Variants in MNT observed in about 807,000 individuals in gnomAD.
The protein encoded by MNT is max-binding protein MNT.
In MNT, 13 loss-of-function variants were observed where a neutral mutation model predicts 40.7. The ratio of observed to expected loss-of-function variants is 0.32; its 90% CI spans 0.21 to 0.51. The LOEUF is 0.51. Ranked by LOEUF, MNT falls within the 20% of genes least tolerant of loss-of-function variation. The pLI, the probability that MNT is intolerant of heterozygous loss-of-function variation, is 0.98. For synonymous variants in MNT, 426 were observed against 354.8 expected (o/e 1.20, Z -2.26); for missense variants, 757 against 792.0 (o/e 0.96, Z 0.53).
intron 1 of MNT, among the ~76,000 whole-genome samples, chr17:2,398,474 C>T (rs1387777989): frequency 1.3e-5 from 2 of 152,240 alleles, no homozygotes; most frequent in African/African-American, 4.8e-5. Flanking sequence ...CTGCCATGCC[C>T]TTCCTTCCAT....
At position 2,386,728 on chromosome 17, in the gene MNT, TG is replaced by T. The variant is rs1464748422; in HGVS notation, c.*172del. On this transcript the variant is annotated 3_prime_UTR_variant, in exon 6 of 6. Coordinates refer to ENST00000174618, the MANE Select transcript of MNT (RefSeq NM_020310.3). ...CTTACCAAGTCCTAGTGCAGCAGGG[TG>T]GCCCTTCCCTCCCTTGGCTCAGAGT... The T allele has an allele frequency of 8.8e-6, 5 of 566,882 alleles. No individual in the cohort carries two copies. In the Admixed American group the frequency reaches 2.0e-4, roughly 22 times the overall value. The allele number at this position is 566,882 out of a possible 1,614,324, so 35.1% of individuals were successfully genotyped here. A position where few individuals can be genotyped will look rare whatever the true frequency, so the allele number is the denominator to read the frequency against.
intron 5 of MNT, 36 bp from the exon 6 acceptor site, chr17:2,387,685 G>C (rs1340081603): frequency 1.2e-6 from 2 of 1,608,742 alleles, no homozygotes; most frequent in Admixed American, 1.7e-5. Context: ...AGGTCAGAAG[G>C]GCGGGGAAGC....
At chr17:2,399,171 G>T (rs565401142) in intron 1 of MNT, among the ~76,000 whole-genome samples, 9 of 152,152 alleles carry the variant, frequency 5.9e-5, no homozygotes, top group Non-Finnish European at 1.3e-4. Flanking sequence ...GGGGATTCTG[G>T]GGGGCGGGGA....
chr17:2,396,121 G>C (rs1473580120), intron 1 of MNT, among the ~76,000 whole-genome samples: 1 of 152,060 alleles, frequency 6.6e-6, no homozygotes, highest in Non-Finnish European at 1.5e-5. Context: ...CCTCACAAGA[G>C]CCCCACGTCA....
intron 4 of MNT, 26 bp from the exon 5 acceptor site, chr17:2,388,075 G>A (rs2066483084): frequency 6.5e-7 from 1 of 1,536,970 alleles, no homozygotes; most frequent in Non-Finnish European, 8.8e-7. Flanking sequence ...AGGGACAGCA[G>A]GACACCCTGA....
chr17:2,393,714 C>G (rs2066546206), intron 4 of MNT: 2 of 158,096 alleles, frequency 1.3e-5, no homozygotes, highest in African/African-American at 2.4e-5. Context: ...TTCCCTCCCG[C>G]GGCTGCACCA....
At chr17:2,397,738 T>A (rs2066587503) in intron 1 of MNT, among the ~76,000 whole-genome samples, 1 of 152,166 alleles carries the variant, frequency 6.6e-6, no homozygotes, top group South Asian at 2.1e-4. Context: ...CGGAGCTTCC[T>A]GTCCCTTCCC....
Position 2,395,322 on chromosome 17 carries a change from G to A in MNT, c.206C>T (p.Pro69Leu), listed in dbSNP as rs1567869363. The A allele has an allele frequency of 4.4e-6, 7 of 1,608,798 alleles. No individual in the cohort carries two copies. The highest frequency in any genetic ancestry group is 5.9e-6 in the Non-Finnish European group (7 of 1,177,874). Residue 69 changes from proline to leucine, a missense_variant, in exon 2 of 6, where the codon CCA becomes CTA. This residue lies in a region of MNT where 335 missense variants were observed against 291.4 expected (regional missense o/e 1.15). Transcript: ENST00000174618. ...TGGGGGTGCCGGCGGGGGAGCCGGT[G>A]GAGACAGAGGCAGGGGTGGCGCCTC... ...RMEAPPLPLS[P>L]PAPPPAPPPP...
At chr17:2,388,090 C>A in intron 4 of MNT, 41 bp from the exon 5 acceptor site, 1 of 1,512,660 alleles carries the variant, frequency 6.6e-7, no homozygotes, top group Non-Finnish European at 8.9e-7. Flanking sequence ...CCCTGAGCAG[C>A]AGCCTTGGGG....
intron 4 of MNT, among the ~76,000 whole-genome samples, chr17:2,388,500 G>A (rs1025185092): frequency 6.6e-6 from 1 of 151,908 alleles, no homozygotes; most frequent in Non-Finnish European, 1.5e-5. Context: ...GCAGTGACAC[G>A]CCCTCGCCCC....
At chr17:2,393,961 G>A (rs1362562992) in intron 4 of MNT, 82 bp downstream of exon 4, 15 of 924,196 alleles carry the variant, frequency 1.6e-5, no homozygotes, top group Non-Finnish European at 2.3e-5. Context: ...GGGGCGTGAG[G>A]GCGGGGCGGG....
At position 2,386,795 on chromosome 17, in the gene MNT, G is replaced by A; in HGVS notation, c.*106C>T. On this transcript the variant is annotated 3_prime_UTR_variant, in exon 6 of 6. Coordinates refer to ENST00000174618, the MANE Select transcript of MNT (RefSeq NM_020310.3). ...CCCTAGGAGGCCTGGGGGTGGGTGG[G>A]GGGGCTGGCCTGGGCCTGGCTGGAA... 3 of 1,244,928 alleles carry A rather than the reference G, an allele frequency of 2.4e-6. No homozygotes were observed. Among genetic ancestry groups the A allele is most frequent in the Admixed American group, 3.3e-5 (1 of 30,660 alleles). The allele number at this position is 1,244,928 out of a possible 1,614,324, so 77.1% of individuals were successfully genotyped here. A position where few individuals can be genotyped will look rare whatever the true frequency, so the allele number is the denominator to read the frequency against.
chr17:2,398,556 G>A (rs1307317052), intron 1 of MNT, among the ~76,000 whole-genome samples: 1 of 152,214 alleles, frequency 6.6e-6, no homozygotes, highest in Non-Finnish European at 1.5e-5. Context: ...AGAAACTGCT[G>A]GGATCGGTTC....
chr17:2,393,763 G>C (rs2066546861), intron 4 of MNT: 2 of 176,912 alleles, frequency 1.1e-5, no homozygotes, highest in Non-Finnish European at 2.4e-5. Flanking sequence ...ACTCGCACCA[G>C]GCGTCACGGC....
intron 4 of MNT, among the ~76,000 whole-genome samples, chr17:2,388,783 C>T (rs748172662): frequency 5.4e-4 from 82 of 152,264 alleles, no homozygotes; most frequent in Non-Finnish European, 9.3e-4. Flanking sequence ...TCAGTCTTTC[C>T]CGTGCTCCAA....
rs997265357 is a variant in MNT, at chr17:2,394,273, GCACGCACACACACA to G, written c.695+18_695+31del. Reference sequence around the variant, plus strand: ...GGGCCCGGGTCGCGCGCGCACGCACGCACGCACACACACACACACACACACACACACCTGTTCTT... The same window carrying G: ...GGGCCCGGGTCGCGCGCGCACGCACGCACACACACACACACACCTGTTCTT... On this transcript the variant is annotated intron_variant, in intron 3 of 5. Transcript: ENST00000174618. 7 of 1,352,014 alleles carry G rather than the reference GCACGCACACACACA, an allele frequency of 5.2e-6. No homozygotes were observed. The highest frequency in any genetic ancestry group is 2.3e-5 in the African/African-American group (1 of 42,942). 83.8% of individuals were successfully genotyped at this position (1,352,014 alleles called of 1,614,324 possible).
chr17:2,394,235 C>T, intron 3 of MNT, 70 bp downstream of exon 3: 3 of 1,587,690 alleles, frequency 1.9e-6, no homozygotes, highest in Non-Finnish European at 2.6e-6. Flanking sequence ...GAAGCTGGGG[C>T]CGAGGGCCGC....
chr17:2,387,610 C>A lies in MNT; in HGVS notation c.1040G>T (p.Arg347Leu). ...DNIDEDMEED[R>L]AGLGPPKLSH... Reference sequence around the variant, plus strand: ...CAGCTTAGGTGGGCCCAGGCCCGCCCGGTCCTCCTCCATATCCTCGTCTAT... The same window carrying A: ...CAGCTTAGGTGGGCCCAGGCCCGCCAGGTCCTCCTCCATATCCTCGTCTAT... The change falls in exon 6 of 6, where the codon CGG becomes CTG. Residue 347 changes from arginine (R) to leucine (L), a missense_variant. Transcript: ENST00000174618. 1.2e-6 allele frequency: 2 copies of A among 1,614,040 alleles called. No homozygotes were observed. Among genetic ancestry groups the A allele is most frequent in the Non-Finnish European group, 1.7e-6 (2 of 1,179,974 alleles).
At chr17:2,392,409 C>T (rs929268196) in intron 4 of MNT, among the ~76,000 whole-genome samples, 1 of 152,242 alleles carries the variant, frequency 6.6e-6, no homozygotes, top group Non-Finnish European at 1.5e-5. Flanking sequence ...GCTGAGTCTT[C>T]TTCCGATTCA....
Sources: gnomAD v4.1 joint callset for allele counts (sites outside exome capture counted in the v4.1 genomes callset) on GRCh38, gnomAD v4.1.1 for gene constraint, gnomAD v4.1.1 regional missense constraint, MANE v1.5 for transcripts, NCBI Gene and HGNC (gene_info 2026-07-23, HGNC 2026-07-21) for gene names.